The following ADGRB3 variants were observed in gnomAD, a reference collection of about 807,000 sequenced individuals.
ADGRB3 encodes the protein brain-specific angiogenesis inhibitor 3.
A neutral mutation model predicts 193.4 loss-of-function variants in ADGRB3; 37 were observed. That is an observed-to-expected ratio of 0.19 (90% CI 0.15 to 0.25). The LOEUF is 0.25. Among genes scored for constraint, ADGRB3 ranks in the 10% least tolerant of loss-of-function variants. The probability of loss-of-function intolerance (pLI) is 1.00; values close to 1 mark genes in which losing one functional copy is unlikely to be tolerated. For missense variants in ADGRB3, 1,637 were observed against 1,852.9 expected (o/e 0.88, Z 2.14); for synonymous variants, 690 against 644.2 (o/e 1.07, Z -1.08).
intron 4 of ADGRB3, among the ~76,000 whole-genome samples, chr6:68,931,166 T>G (rs1562090424): frequency 6.6e-6 from 1 of 151,948 alleles, no homozygotes; most frequent in Non-Finnish European, 1.5e-5. Flanking sequence ...AAGAGTTTTG[T>G]TATATAAGCT....
intron 17 of ADGRB3, among the ~76,000 whole-genome samples, chr6:69,218,175 C>A (rs1765812822): frequency 6.6e-6 from 1 of 151,882 alleles, no homozygotes; most frequent in Admixed American, 6.6e-5. Context: ...ACCTTTCCTC[C>A]AAAGTGGTCT....
At chr6:69,053,037 T>C (rs889793287) in intron 15 of ADGRB3, among the ~76,000 whole-genome samples, 1 of 152,056 alleles carries the variant, frequency 6.6e-6, no homozygotes, top group Non-Finnish European at 1.5e-5. Flanking sequence ...AATACAAAAA[T>C]TAGCCGTGCA....
intron 29 of ADGRB3, 27 bp downstream of exon 29, chr6:69,361,539 C>T: frequency 6.3e-7 from 1 of 1,591,278 alleles, no homozygotes; most frequent in Non-Finnish European, 8.6e-7. Context: ...TAAATTTTTC[C>T]TTGATAGTTG....
chr6:69,308,333 G>C (rs1001648758), intron 20 of ADGRB3, among the ~76,000 whole-genome samples: 3 of 151,422 alleles, frequency 2.0e-5, no homozygotes, highest in African/African-American at 7.3e-5. Flanking sequence ...TAAATACTAT[G>C]TAAAATCCAC....
chr6:69,142,476 C>A (rs1158508233), intron 17 of ADGRB3, among the ~76,000 whole-genome samples: 2 of 152,184 alleles, frequency 1.3e-5, no homozygotes, highest in South Asian at 4.1e-4. Context: ...ATGAGGTCTT[C>A]CCTATATGGA....
chr6:69,261,221 G>T (rs1467228827), intron 20 of ADGRB3, among the ~76,000 whole-genome samples: 1 of 152,096 alleles, frequency 6.6e-6, no homozygotes, highest in Non-Finnish European at 1.5e-5. Flanking sequence ...TCAGAACCCT[G>T]CAGGGAAAGG....
At chr6:69,372,949 A>G (rs1031688533) in intron 30 of ADGRB3, among the ~76,000 whole-genome samples, 5 of 151,928 alleles carry the variant, frequency 3.3e-5, no homozygotes, top group South Asian at 2.1e-4. Flanking sequence ...TATTGATTCA[A>G]TGTGCTCCTG....
chr6:69,004,979 A>G lies in ADGRB3; in HGVS notation c.1930-9059A>G, dbSNP rs987363419. On this transcript the variant is annotated intron_variant, in intron 11 of 31. Coordinates refer to ENST00000370598, the MANE Select transcript of ADGRB3 (RefSeq NM_001704.3). ...TGTGATGTGTGCAGGCTTCTCTCAC[A>G]TGGTGGCCCTTAAGTGTATCAGCCA... Among the ~76,000 whole-genome samples the G allele has an allele frequency of 1.1e-4, 16 of 152,050 alleles. 1 individual carries two copies. Among genetic ancestry groups the G allele is most frequent in the Admixed American group, 7.9e-4 (12 of 15,266 alleles).
At chr6:69,145,837 G>C (rs958928710) in intron 17 of ADGRB3, among the ~76,000 whole-genome samples, 1 of 151,936 alleles carries the variant, frequency 6.6e-6, no homozygotes, top group Admixed American at 6.5e-5. Context: ...ACCCTGGAGT[G>C]GTTAGCTCCT....
intron 30 of ADGRB3, among the ~76,000 whole-genome samples, chr6:69,379,000 A>C (rs535997413): frequency 2.8e-4 from 43 of 152,138 alleles, no homozygotes; most frequent in Non-Finnish European, 5.4e-4. Flanking sequence ...GAAATAAGCT[A>C]CTCAGGAAAG....
chr6:69,019,530 C>T (rs777522609), intron 13 of ADGRB3, among the ~76,000 whole-genome samples: 1 of 151,796 alleles, frequency 6.6e-6, no homozygotes, highest in African/African-American at 2.4e-5. Context: ...TGATTTTATC[C>T]TAGGATATCT....
intron 3 of ADGRB3, among the ~76,000 whole-genome samples, chr6:68,753,267 T>C (rs952466537): frequency 1.3e-5 from 2 of 152,176 alleles, no homozygotes; most frequent in Admixed American, 1.3e-4. Context: ...AGGAGATTGA[T>C]TAGAAAGTCC....
chr6:69,143,010 AG>A (rs1774382985), intron 17 of ADGRB3, among the ~76,000 whole-genome samples: 1 of 152,162 alleles, frequency 6.6e-6, no homozygotes, highest in African/African-American at 2.4e-5. Context: ...CAGTGGATGA[AG>A]GTTGCCTTTT....
rs780821433 is a variant in ADGRB3, at chr6:68,774,115, G to A, written c.757+134683G>A. On this transcript the variant is annotated intron_variant, in intron 3 of 31. Coordinates refer to ENST00000370598, the MANE Select transcript of ADGRB3 (RefSeq NM_001704.3). ...TATATTTCAGATTTCTGTCATAAAA[G>A]CATTTTAAAAGTTCATAAAACTTAG... Among the ~76,000 whole-genome samples, 107 of 151,184 alleles carry A rather than the reference G, an allele frequency of 7.1e-4. 1 individual carries two copies. The highest frequency in any genetic ancestry group is 9.9e-4 in the Non-Finnish European group (67 of 67,900).
intron 20 of ADGRB3, among the ~76,000 whole-genome samples, chr6:69,270,479 G>T (rs1376365754): frequency 1.3e-5 from 2 of 152,032 alleles, no homozygotes; most frequent in Non-Finnish European, 2.9e-5. Flanking sequence ...AGTCTATAAG[G>T]CTTTAATATT....
chr6:69,186,701 C>T (rs1022030252), intron 17 of ADGRB3, among the ~76,000 whole-genome samples: 2 of 152,044 alleles, frequency 1.3e-5, no homozygotes, highest in Admixed American at 6.6e-5. Context: ...AATCTGCTTC[C>T]TCAAATCTGT....
At chr6:69,033,250 A>G (rs1215953192) in intron 13 of ADGRB3, among the ~76,000 whole-genome samples, 2 of 152,138 alleles carry the variant, frequency 1.3e-5, no homozygotes, top group Admixed American at 6.5e-5. Flanking sequence ...GCATTTTGCT[A>G]TCTTAAAAAG....
At chr6:69,211,238 C>T (rs1351363895) in intron 17 of ADGRB3, among the ~76,000 whole-genome samples, 1 of 152,114 alleles carries the variant, frequency 6.6e-6, no homozygotes. Context: ...GAAGGAAGGT[C>T]GGCAACCTAT....
chr6:68,909,389 A>G (rs1236955845), intron 3 of ADGRB3, among the ~76,000 whole-genome samples: 1 of 152,196 alleles, frequency 6.6e-6, no homozygotes, highest in Non-Finnish European at 1.5e-5. Flanking sequence ...TTAATTTTCA[A>G]TCTGAGCTCT....
Sources: gnomAD v4.1 joint callset for allele counts (sites outside exome capture counted in the v4.1 genomes callset) on GRCh38, gnomAD v4.1.1 for gene constraint, MANE v1.5 for transcripts, NCBI Gene and HGNC (gene_info 2026-07-23, HGNC 2026-07-21) for gene names.